The following RYR2 variants were observed in gnomAD, a reference collection of about 807,000 sequenced individuals.
The protein encoded by RYR2 is ryanodine receptor 2.
RYR2 carries 227 observed loss-of-function variants against 601.1 expected under a neutral mutation model. The ratio of observed to expected loss-of-function variants is 0.38; its 90% CI spans 0.34 to 0.42. The LOEUF (loss-of-function observed/expected upper bound fraction) is 0.42, where lower values mean the gene tolerates loss of function less well. Ranked by LOEUF, RYR2 falls within the 10% of genes least tolerant of loss-of-function variation. The probability of loss-of-function intolerance (pLI) is 1.00; values close to 1 mark genes in which losing one functional copy is unlikely to be tolerated. For missense variants in RYR2, 4,646 were observed against 6,156.5 expected (o/e 0.75, Z 8.21); for synonymous variants, 2,223 against 2,175.1 (o/e 1.02, Z -0.61).
chr1:237,396,491 G>A (rs572939878), intron 10 of RYR2, among the ~76,000 whole-genome samples: 1 of 152,108 alleles, frequency 6.6e-6, no homozygotes, highest in Non-Finnish European at 1.5e-5. Flanking sequence ...CACAATTTTT[G>A]TGATGTTAAA....
intron 59 of RYR2, 98 bp from the exon 60 acceptor site, chr1:237,674,633 A>G (rs1685237217): frequency 1.7e-6 from 1 of 576,796 alleles, no homozygotes; most frequent in Non-Finnish European, 3.1e-6. Flanking sequence ...ATAAACATAT[A>G]TGTATGTATA....
chr1:237,526,779 A>G (rs1040478920), intron 24 of RYR2, among the ~76,000 whole-genome samples: 2 of 151,980 alleles, frequency 1.3e-5, no homozygotes, highest in East Asian at 3.8e-4. Flanking sequence ...TAGGTTGTCT[A>G]TTTACTCTGT....
intron 1 of RYR2, among the ~76,000 whole-genome samples, chr1:237,188,405 G>A (rs915413371): frequency 6.6e-6 from 1 of 152,096 alleles, no homozygotes; most frequent in Non-Finnish European, 1.5e-5. Context: ...GGCTTGGGGC[G>A]TGACCTCAGG....
At chr1:237,383,617 G>C (rs1432212464) in intron 8 of RYR2, among the ~76,000 whole-genome samples, 1 of 151,648 alleles carries the variant, frequency 6.6e-6, no homozygotes, top group Admixed American at 6.6e-5. Flanking sequence ...TTTTAGTAGA[G>C]ACGGGGCTTC....
chr1:237,127,472 C>G lies in RYR2; in HGVS notation c.48+84903C>G, dbSNP rs372709272. Among the ~76,000 whole-genome samples, 280 of 151,230 alleles carry G rather than the reference C, an allele frequency of 1.9e-3. 1 individual carries two copies. The highest frequency in any genetic ancestry group is 4.8e-3 in the East Asian group (24 of 5,004). On this transcript the variant is annotated intron_variant, in intron 1 of 104. Transcript: ENST00000366574. The stretch of plus-strand genomic sequence containing the variant: ...GCTGGCCGGGCAGGGGGCTGACCCC[C>G]CCACCTCCTTCCCGGACGGGGCGGC...
intron 58 of RYR2, among the ~76,000 whole-genome samples, chr1:237,669,499 C>T (rs867182201): frequency 5.4e-4 from 73 of 134,292 alleles, no homozygotes; most frequent in Admixed American, 4.5e-3. Flanking sequence ...GCTGGCCGGG[C>T]GGGGGGCTGA....
rs1160560441 is a variant in RYR2 at position 237,456,794 on chromosome 1, G to A, written c.1612+59G>A. 7 of 1,561,688 alleles carry A rather than the reference G, an allele frequency of 4.5e-6. No individual in the cohort carries two copies. The East Asian group carries it at 1.6e-4, about 36-fold the overall frequency. Reference sequence around the variant, plus strand: ...TTATCTATTTAAAATGTCCATAAATGGACTAGGTGTGATGGCTCATGCCTG... The same window carrying A: ...TTATCTATTTAAAATGTCCATAAATAGACTAGGTGTGATGGCTCATGCCTG... On this transcript the variant is annotated intron_variant, in intron 16 of 104. Coordinates refer to ENST00000366574, the MANE Select transcript of RYR2 (RefSeq NM_001035.3).
intron 2 of RYR2, among the ~76,000 whole-genome samples, chr1:237,292,617 A>G (rs1218504399): frequency 1.3e-5 from 2 of 152,126 alleles, no homozygotes; most frequent in Admixed American, 1.3e-4. Flanking sequence ...AATTTTAAAC[A>G]TAAGCAGCAA....
At chr1:237,669,505 G>A (rs1186883921) in intron 58 of RYR2, among the ~76,000 whole-genome samples, 2 of 136,768 alleles carry the variant, frequency 1.5e-5, no homozygotes, top group African/African-American at 5.1e-5. Context: ...CGGGCGGGGG[G>A]CTGACCCCCC....
intron 68 of RYR2, among the ~76,000 whole-genome samples, chr1:237,707,896 C>G (rs565525778): frequency 6.6e-6 from 1 of 151,716 alleles, no homozygotes; most frequent in Non-Finnish European, 1.5e-5. Flanking sequence ...CTCAGCCTCC[C>G]GGGTAGCTAG....
At chr1:237,604,103 A>G (rs191418327) in intron 35 of RYR2, among the ~76,000 whole-genome samples, 1 of 152,314 alleles carries the variant, frequency 6.6e-6, no homozygotes, top group East Asian at 1.9e-4. Flanking sequence ...CTCCACCCCA[A>G]ATCAACAGAA....
intron 70 of RYR2, 61 bp from the exon 71 acceptor site, chr1:237,711,684 C>T (rs1438217018): frequency 7.5e-6 from 6 of 797,452 alleles, no homozygotes; most frequent in Non-Finnish European, 1.3e-5. Flanking sequence ...TTCTGTGTAA[C>T]CTCTAATTAC....
chr1:237,428,409 A>T (rs931664786), intron 12 of RYR2, among the ~76,000 whole-genome samples: 10 of 152,222 alleles, frequency 6.6e-5, no homozygotes, highest in Admixed American at 2.0e-4. Flanking sequence ...ATGGAACACT[A>T]TGCAGCCACA....
intron 40 of RYR2, among the ~76,000 whole-genome samples, chr1:237,626,549 GTTTC>G (rs1483320764): frequency 3.1e-5 from 2 of 63,596 alleles, no homozygotes; most frequent in East Asian, 5.3e-4. Flanking sequence ...AGAGTTCAGT[GTTTC>G]TTTCTTTTCT....
At chr1:237,101,442 T>G (rs1668098415) in intron 1 of RYR2, among the ~76,000 whole-genome samples, 1 of 152,182 alleles carries the variant, frequency 6.6e-6, no homozygotes, top group Admixed American at 6.5e-5. Context: ...TCATCTGTAT[T>G]TATTTCTATT....
chr1:237,075,377 A>T (rs1664895167), intron 1 of RYR2, among the ~76,000 whole-genome samples: 1 of 147,460 alleles, frequency 6.8e-6, no homozygotes, highest in South Asian at 2.2e-4. Context: ...GGTTCATCTC[A>T]CTAGGGAGTG....
chr1:237,514,262 C>T (rs550713893), intron 24 of RYR2, among the ~76,000 whole-genome samples: 3 of 152,292 alleles, frequency 2.0e-5, no homozygotes, highest in Admixed American at 1.3e-4. Flanking sequence ...CCAGCTATAG[C>T]AGAGAGTAAA....
At chr1:237,489,065 T>G (rs76555905) in intron 17 of RYR2, among the ~76,000 whole-genome samples, 3,346 of 152,260 alleles carry the variant, frequency 0.022, 51 homozygotes, top group Middle Eastern at 0.061. Flanking sequence ...ATAGACAGTA[T>G]GTAAATGCAG....
chr1:237,335,342 G>C (rs1333656543), intron 3 of RYR2, among the ~76,000 whole-genome samples: 2 of 152,150 alleles, frequency 1.3e-5, no homozygotes, highest in Non-Finnish European at 2.9e-5. Flanking sequence ...TAATGCCAAA[G>C]TTAATTTAAG....
Sources: gnomAD v4.1 joint callset for allele counts (sites outside exome capture counted in the v4.1 genomes callset) on GRCh38, gnomAD v4.1.1 for gene constraint, MANE v1.5 for transcripts, NCBI Gene and HGNC (gene_info 2026-07-23, HGNC 2026-07-21) for gene names.